The following SEMA3A variants were observed in gnomAD, a reference collection of about 807,000 sequenced individuals.
The protein encoded by SEMA3A is semaphorin-3A.
SEMA3A carries 29 observed loss-of-function variants against 97.9 expected under a neutral mutation model. The observed-to-expected ratio is 0.30, with a 90% CI of 0.22 to 0.40. The LOEUF (loss-of-function observed/expected upper bound fraction) is 0.40, where lower values mean the gene tolerates loss of function less well. Among genes scored for constraint, SEMA3A ranks in the 10% least tolerant of loss-of-function variants. The pLI is 1.00. For missense variants in SEMA3A, 763 were observed against 951.3 expected, an observed-to-expected ratio of 0.80 and a Z score of 2.60; for synonymous variants, 321 against 323.7, an observed-to-expected ratio of 0.99 and a Z score of 0.09.
At chr7:83,990,648 T>G (rs1346420174) in intron 12 of SEMA3A, among the ~76,000 whole-genome samples, 1 of 146,014 alleles carries the variant, frequency 6.8e-6, no homozygotes, top group Non-Finnish European at 1.5e-5. Flanking sequence ...GCTCTATTTC[T>G]GAGGGCTCTG....
intron 3 of SEMA3A, among the ~76,000 whole-genome samples, chr7:84,304,212 A>C (rs1056845404): frequency 6.6e-6 from 1 of 152,302 alleles, no homozygotes; most frequent in South Asian, 2.1e-4. Context: ...TTTACAAAAT[A>C]GATTCATAAC....
chr7:83,995,623 T>C (rs1790185284), intron 12 of SEMA3A, among the ~76,000 whole-genome samples: 1 of 152,226 alleles, frequency 6.6e-6, no homozygotes, highest in South Asian at 2.1e-4. Flanking sequence ...GTAGTGAATA[T>C]GACTTCCATT....
At chr7:84,474,916 A>T (rs1291658163) in intron 1 of SEMA3A, among the ~76,000 whole-genome samples, 1 of 152,190 alleles carries the variant, frequency 6.6e-6, no homozygotes, top group Non-Finnish European at 1.5e-5. Context: ...GAGGTTTAAA[A>T]AAAAAAGTGA....
At chr7:84,164,833 A>T (rs919714776) in intron 1 of SEMA3A, among the ~76,000 whole-genome samples, 6 of 152,172 alleles carry the variant, frequency 3.9e-5, no homozygotes, top group Non-Finnish European at 8.8e-5. Flanking sequence ...TATTAGTCCC[A>T]GGTGACAAAG....
At chr7:84,071,560 T>G (rs879568549) in intron 4 of SEMA3A, among the ~76,000 whole-genome samples, 3 of 152,118 alleles carry the variant, frequency 2.0e-5, no homozygotes, top group Non-Finnish European at 4.4e-5. Flanking sequence ...TTCCCTAATC[T>G]AAGCAGGTAC....
intron 1 of SEMA3A, among the ~76,000 whole-genome samples, chr7:84,150,727 T>G (rs976624764): frequency 2.4e-4 from 36 of 152,142 alleles, no homozygotes; most frequent in South Asian, 4.1e-4. Flanking sequence ...TGGAACTGGG[T>G]GGAGCCCACC....
intron 3 of SEMA3A, among the ~76,000 whole-genome samples, chr7:84,284,107 T>C (rs1012704210): frequency 6.6e-6 from 1 of 152,150 alleles, no homozygotes; most frequent in Non-Finnish European, 1.5e-5. Flanking sequence ...TTTTTAAATT[T>C]AGATAGTTGT....
At chr7:84,160,216 T>A (rs1446508563) in intron 1 of SEMA3A, among the ~76,000 whole-genome samples, 2 of 143,966 alleles carry the variant, frequency 1.4e-5, no homozygotes, top group East Asian at 4.2e-4. Flanking sequence ...AAAAAAACTA[T>A]CAATCTGTCT....
intron 16 of SEMA3A, among the ~76,000 whole-genome samples, chr7:83,962,727 CA>C (rs1788520090): frequency 1.3e-5 from 2 of 152,090 alleles, no homozygotes; most frequent in Non-Finnish European, 2.9e-5. Flanking sequence ...TAGTTGATAT[CA>C]GAGCTTATAG....
At chr7:84,029,364 T>C (rs1343502130) in intron 6 of SEMA3A, among the ~76,000 whole-genome samples, 3 of 152,192 alleles carry the variant, frequency 2.0e-5, no homozygotes, top group South Asian at 2.1e-4. Context: ...GAAAGTTGCA[T>C]ATAATATCTT....
At chr7:84,384,680 C>G (rs571109600) in intron 1 of SEMA3A, among the ~76,000 whole-genome samples, 2 of 152,062 alleles carry the variant, frequency 1.3e-5, no homozygotes, top group Non-Finnish European at 2.9e-5. Context: ...TTGGCAACAA[C>G]TTAGAACAAG....
At chr7:84,470,141 G>A (rs1312899747) in intron 1 of SEMA3A, among the ~76,000 whole-genome samples, 5 of 151,894 alleles carry the variant, frequency 3.3e-5, no homozygotes, top group Non-Finnish European at 7.4e-5. Context: ...ATGAAAAGGA[G>A]AGAAAACTTG....
At chr7:84,411,906 G>C (rs1414998173) in intron 1 of SEMA3A, among the ~76,000 whole-genome samples, 1 of 152,040 alleles carries the variant, frequency 6.6e-6, no homozygotes, top group African/African-American at 2.4e-5. Flanking sequence ...CTATAAAATA[G>C]ACACCTTGTA....
chr7:84,388,427 A>AT (rs754639747), intron 1 of SEMA3A, among the ~76,000 whole-genome samples: 4 of 152,032 alleles, frequency 2.6e-5, no homozygotes, highest in South Asian at 2.1e-4. Context: ...ATGTTCTGTC[A>AT]TTTTTTAGCC....
At chr7:84,015,058 T>C (rs988430027) in intron 6 of SEMA3A, among the ~76,000 whole-genome samples, 1 of 152,170 alleles carries the variant, frequency 6.6e-6, no homozygotes, top group Non-Finnish European at 1.5e-5. Flanking sequence ...TACCAACCCT[T>C]GTCTCCACAC....
At chr7:84,403,111 G>A (rs952441702) in intron 1 of SEMA3A, among the ~76,000 whole-genome samples, 6 of 152,128 alleles carry the variant, frequency 3.9e-5, no homozygotes, top group Admixed American at 6.6e-5. Flanking sequence ...CGCCTCACCC[G>A]GGAAGCATGA....
intron 1 of SEMA3A, among the ~76,000 whole-genome samples, chr7:84,178,684 A>G (rs896061814): frequency 6.6e-6 from 1 of 152,086 alleles, no homozygotes; most frequent in Non-Finnish European, 1.5e-5. Context: ...GCAATTTTAT[A>G]AATTATTTAA....
intron 1 of SEMA3A, among the ~76,000 whole-genome samples, chr7:84,464,221 A>AT (rs1805934626): frequency 1.3e-5 from 2 of 152,172 alleles, no homozygotes; most frequent in South Asian, 4.1e-4. Context: ...TGCTAGCCAT[A>AT]TTTTTTCAGC....
At chr7:84,443,073 A>C (rs1333608855) in intron 1 of SEMA3A, among the ~76,000 whole-genome samples, 1 of 152,164 alleles carries the variant, frequency 6.6e-6, no homozygotes, top group Non-Finnish European at 1.5e-5. Context: ...ATCAGACAGA[A>C]GTATGCGAAT....
Sources: allele counts gnomAD v4.1 joint callset (sites outside exome capture counted in the v4.1 genomes callset), GRCh38; gene constraint gnomAD v4.1.1; transcripts MANE v1.5; gene names NCBI Gene and HGNC (gene_info 2026-07-23, HGNC 2026-07-21).